The following SIRT4 variants were observed in gnomAD, a reference collection of about 807,000 sequenced individuals.
The protein encoded by SIRT4 is sirtuin 4.
In SIRT4, 23 loss-of-function variants were observed where a neutral mutation model predicts 26.1. That is an observed-to-expected ratio of 0.88 (90% confidence interval 0.63 to 1.25). The LOEUF (loss-of-function observed/expected upper bound fraction) is 1.25. SIRT4 is among the 50% of genes most tolerant of loss of function. The pLI is 0.00. For missense variants in SIRT4, 361 were observed against 405.4 expected (o/e 0.89, Z 0.94); for synonymous variants, 155 against 158.4 (o/e 0.98, Z 0.16).
upstream of SIRT4, among the ~76,000 whole-genome samples, chr12:120,297,316 C>CAAAAAA (rs56259520): frequency 5.9e-5 from 4 of 67,640 alleles, no homozygotes; most frequent in African/African-American, 1.6e-4. Flanking sequence ...CGCCTGTAAT[C>CAAAAAA]AAAAAAAAAA....
At chr12:120,301,443 A>G (rs1872543204), upstream of SIRT4, among the ~76,000 whole-genome samples, 1 of 152,258 alleles carries the variant, frequency 6.6e-6, no homozygotes, top group African/African-American at 2.4e-5. Context: ...TATTTTACCA[A>G]TAGCAAATAA....
At chr12:120,312,333 G>T in intron 2 of SIRT4, 123 bp from the exon 3 acceptor site, 1 of 885,148 alleles carries the variant, frequency 1.1e-6, no homozygotes, top group Non-Finnish European at 1.8e-6. Flanking sequence ...ATGGGGTGGG[G>T]ATTGTGTGTT....
rs1873032520 is a variant in SIRT4, at chr12:120,312,641, A to T, written c.683A>T (p.Lys228Ile). The change falls in exon 3 of 4, where the codon AAA becomes ATA. Residue 228 changes from lysine (K) to isoleucine (I), a missense_variant. Lys to Ile is a moderately radical substitution (Grantham distance 102). Transcript: ENST00000202967. ...TGCGTTCAATGTGGAGGCCATCTGA[A>T]ACCAGATGTCGTTTTCTTCGGGGAC... ...PTCVQCGGHL[K>I]PDVVFFGDTV... is the part of the protein sequence containing the mutation. The T allele has an allele frequency of 6.2e-7, 1 of 1,613,980 alleles. No individual in the cohort carries two copies. The highest frequency in any genetic ancestry group is 1.7e-5 in the Admixed American group (1 of 59,970).
intron 2 of SIRT4, among the ~76,000 whole-genome samples, chr12:120,307,041 G>A (rs1050925753): frequency 6.6e-6 from 1 of 152,156 alleles, no homozygotes; most frequent in African/African-American, 2.4e-5. Context: ...TAGCTAATTG[G>A]AGACTTATTT....
chr12:120,307,587 C>T (rs575648843), intron 2 of SIRT4, among the ~76,000 whole-genome samples: 58 of 152,252 alleles, frequency 3.8e-4, no homozygotes, highest in Admixed American at 1.1e-3. Context: ...TGGCCGGGCA[C>T]GGTGGCTCAC....
At chr12:120,308,165 C>CTTTTT (rs10707396) in intron 2 of SIRT4, among the ~76,000 whole-genome samples, 1 of 85,008 alleles carries the variant, frequency 1.2e-5, no homozygotes, top group African/African-American at 4.6e-5. Context: ...CCCAAGAAAG[C>CTTTTT]TTTTTTTTTT....
Position 120,304,070 on chromosome 12 carries a change from G to A in SIRT4, c.497+12G>A. The stretch of plus-strand genomic sequence containing the variant: ...GGATGCATGGACAGGTGCAGGAGCT[G>A]TACACGGTTTGAACGCAAACCCGTG... On this transcript the variant is annotated intron_variant, in intron 2 of 3. Coordinates refer to ENST00000202967, the MANE Select transcript of SIRT4 (RefSeq NM_012240.3). 1.2e-6 allele frequency: 2 copies of A among 1,602,950 alleles called. No homozygotes were observed. Among genetic ancestry groups the A allele is most frequent in the South Asian group, 2.2e-5 (2 of 90,982 alleles).
the SIRT4 span, among the ~76,000 whole-genome samples, chr12:120,294,773 C>T: frequency 1.3e-5 from 2 of 151,702 alleles, no homozygotes; most frequent in Non-Finnish European, 2.9e-5. Context: ...CCATCTTGGC[C>T]TCCCAAAGTG....
At chr12:120,300,802 C>A (rs35407225), upstream of SIRT4, among the ~76,000 whole-genome samples, 4,931 of 152,258 alleles carry the variant, frequency 0.032, 100 homozygotes, top group Non-Finnish European at 0.053. Flanking sequence ...AAGGTCCCTG[C>A]TGGCCGCCCA....
At chr12:120,308,408 C>T (rs990578532) in intron 2 of SIRT4, among the ~76,000 whole-genome samples, 11 of 151,030 alleles carry the variant, frequency 7.3e-5, no homozygotes, top group Non-Finnish European at 5.9e-5. Context: ...CTCCTGACCT[C>T]GTGATCCGCC....
chr12:120,297,306 C>T, the SIRT4 span, among the ~76,000 whole-genome samples: 255 of 124,474 alleles, frequency 2.0e-3, no homozygotes, highest in Non-Finnish European at 3.5e-3. Flanking sequence ...TGGTGGCTCA[C>T]GCCTGTAATC....
rs559243148 is a variant in SIRT4 at position 120,308,493 on chromosome 12, CA to C, written c.498-3962del. Among the ~76,000 whole-genome samples the C allele has an allele frequency of 2.1e-3, 317 of 152,208 alleles. 2 individuals are homozygous for C. Among genetic ancestry groups the C allele is most frequent in the Non-Finnish European group, 3.3e-3 (225 of 68,030 alleles). On this transcript the variant is annotated intron_variant, in intron 2 of 3. Transcript: ENST00000202967. ...TGCCCCAAGAAAGCTTTTATGGGTA[CA>C]GGGGGCTTGAGATTGGCTCAGGTTT... is the stretch of plus-strand genomic sequence containing the variant.
chr12:120,309,719 T>C (rs538431197), intron 2 of SIRT4, among the ~76,000 whole-genome samples: 16 of 148,312 alleles, frequency 1.1e-4, no homozygotes, highest in Non-Finnish European at 1.5e-4. Flanking sequence ...GCTTTCTTTT[T>C]TTTTTTTTTT....
At position 120,303,706 on chromosome 12, in the gene SIRT4, C is replaced by G. The variant is rs201713338; in HGVS notation, c.145C>G (p.Arg49Gly). Reference sequence around the variant, plus strand: ...CCCTGAGAAGGTCAAAGAGTTACAGCGCTTCATCACCCTTTCCAAGAGACT... The same window carrying G: ...CCCTGAGAAGGTCAAAGAGTTACAGGGCTTCATCACCCTTTCCAAGAGACT... ...LDPEKVKELQ[R>G]FITLSKRLLV... Residue 49 changes from arginine (R) to glycine (G), a missense_variant, in exon 2 of 4, where the codon CGC becomes GGC. Coordinates refer to ENST00000202967, the MANE Select transcript of SIRT4 (RefSeq NM_012240.3). 6.2e-7 allele frequency: 1 copy of G among 1,613,998 alleles called. No individual in the cohort carries two copies. The highest frequency in any genetic ancestry group is 1.3e-5 in the African/African-American group (1 of 74,914).
At chr12:120,307,665 C>A (rs1237176946) in intron 2 of SIRT4, among the ~76,000 whole-genome samples, 1 of 152,024 alleles carries the variant, frequency 6.6e-6, no homozygotes, top group East Asian at 1.9e-4. Flanking sequence ...TCAAGACCAG[C>A]CTGACCAACA....
upstream of SIRT4, among the ~76,000 whole-genome samples, chr12:120,301,535 C>T (rs887500219): frequency 6.6e-6 from 1 of 152,140 alleles, no homozygotes; most frequent in Admixed American, 6.6e-5. Flanking sequence ...AACAGTGGCT[C>T]AGGCCTGTAA....
In SIRT4 at chr12:120,312,877, C is replaced by T. The variant is rs905533516; in HGVS notation, c.793-7C>T. ...GACATTCTTATGTGTGTCTTTTCTC[C>T]GTGCAGGTATACTCTGGTTACAGGT... On this transcript the variant is annotated splice_polypyrimidine_tract_variant and splice_region_variant and intron_variant, in intron 3 of 3. Coordinates refer to ENST00000202967, the MANE Select transcript of SIRT4 (RefSeq NM_012240.3). The T allele has an allele frequency of 1.4e-5, 22 of 1,613,562 alleles. No homozygotes were observed. The highest frequency in any genetic ancestry group is 1.6e-4 in the Middle Eastern group (1 of 6,080).
intron 2 of SIRT4, among the ~76,000 whole-genome samples, chr12:120,304,821 ATATATATATATATATTTTTTTTTTT>A (rs1181801902): frequency 1.3e-3 from 9 of 7,046 alleles, no homozygotes; most frequent in Non-Finnish European, 2.2e-3. Context: ...ATATATATAT[ATATATATATATATATTTTTTTTTTT>A]TTTTTTTTTT....
At chr12:120,310,949 A>C (rs1872937925) in intron 2 of SIRT4, among the ~76,000 whole-genome samples, 1 of 143,078 alleles carries the variant, frequency 7.0e-6, no homozygotes, top group African/African-American at 2.6e-5. Context: ...GTTAGCCAGG[A>C]TGGTCTCGAT....
Sources: gnomAD v4.1 joint callset for allele counts (sites outside exome capture counted in the v4.1 genomes callset) on GRCh38, gnomAD v4.1.1 for gene constraint, MANE v1.5 for transcripts, NCBI Gene and HGNC (gene_info 2026-07-23, HGNC 2026-07-21) for gene names.